Variants in KIAA1328 observed in about 807,000 individuals in gnomAD.
The protein encoded by KIAA1328 is protein hinderin.
In KIAA1328, 52 loss-of-function variants were observed where a neutral mutation model predicts 68.1. The observed-to-expected ratio is 0.76, with a 90% confidence interval of 0.61 to 0.96. The LOEUF is 0.96. Ranked by LOEUF, KIAA1328 falls within the 40% of genes least tolerant of loss-of-function variation. KIAA1328 has a pLI of 0.00. For synonymous variants in KIAA1328, 232 were observed against 239.4 expected, an observed-to-expected ratio of 0.97 and a Z score of 0.28; for missense variants, 641 against 677.6, an observed-to-expected ratio of 0.95 and a Z score of 0.60.
intron 7 of KIAA1328, among the ~76,000 whole-genome samples, chr18:37,069,147 A>G (rs985467134): frequency 2.0e-5 from 3 of 152,176 alleles, no homozygotes; most frequent in African/African-American, 7.2e-5. Flanking sequence ...AGATTTTTAA[A>G]TATTAAACCA....
chr18:36,962,931 A>T (rs2051752937), intron 6 of KIAA1328, among the ~76,000 whole-genome samples: 1 of 152,172 alleles, frequency 6.6e-6, no homozygotes, highest in Non-Finnish European at 1.5e-5. Flanking sequence ...GAGCAAACAA[A>T]TTCAAAAGCT....
intron 4 of KIAA1328, among the ~76,000 whole-genome samples, chr18:36,847,838 A>G (rs914002304): frequency 5.9e-5 from 9 of 151,574 alleles, no homozygotes; most frequent in Non-Finnish European, 1.5e-5. Context: ...TTGTTTTTCT[A>G]TGTTAGAAAA....
rs545430652 is a variant in KIAA1328, at chr18:37,079,750, G to T, written c.1232+12205G>T. On this transcript the variant is annotated intron_variant, in intron 7 of 9. Transcript: ENST00000280020. ...TAAAATACAAAAATTAGCCAGGCAT[G>T]GTGGTGGGCGCCTGTAATCCTAGCT... 2.6e-5 allele frequency among the ~76,000 whole-genome samples: 4 copies of T among 152,034 alleles called. No homozygotes were observed. In the East Asian group the frequency reaches 7.8e-4, roughly 30 times the overall value.
chr18:37,084,080 A>G, intron 7 of KIAA1328: 1 of 1,178,510 alleles, frequency 8.5e-7, no homozygotes, highest in Non-Finnish European at 1.1e-6. Flanking sequence ...CATTCAGGTT[A>G]TCAGGCTTCA....
At chr18:36,928,582 T>C (rs1305816571) in intron 5 of KIAA1328, among the ~76,000 whole-genome samples, 1 of 152,204 alleles carries the variant, frequency 6.6e-6, no homozygotes, top group Non-Finnish European at 1.5e-5. Context: ...TACACTTTTG[T>C]TTTAGTACTT....
intron 6 of KIAA1328, among the ~76,000 whole-genome samples, 166 bp downstream of exon 6, chr18:36,959,601 C>T (rs1471417386): frequency 1.3e-5 from 2 of 152,160 alleles, no homozygotes; most frequent in Admixed American, 1.3e-4. Flanking sequence ...TTTCCTTTCT[C>T]CTCCTGTTCC....
intron 6 of KIAA1328, among the ~76,000 whole-genome samples, chr18:37,023,776 C>A (rs1043339917): frequency 6.6e-6 from 1 of 151,264 alleles, no homozygotes; most frequent in Non-Finnish European, 1.5e-5. Flanking sequence ...AGTTGAACAT[C>A]ATCTGTATTT....
At chr18:36,864,594 G>GT (rs80149272) in intron 4 of KIAA1328, among the ~76,000 whole-genome samples, 55,190 of 129,408 alleles carry the variant, frequency 0.43, 12,640 homozygotes, top group East Asian at 0.63. Context: ...GTGGTCAGTA[G>GT]TTTTTTTTTT....
intron 5 of KIAA1328, among the ~76,000 whole-genome samples, chr18:36,898,540 A>T (rs2048935566): frequency 6.6e-6 from 1 of 151,990 alleles, no homozygotes; most frequent in South Asian, 2.1e-4. Flanking sequence ...CTATATCAGG[A>T]TCAATCTTCC....
At chr18:36,835,746 G>A (rs947102695) in intron 3 of KIAA1328, among the ~76,000 whole-genome samples, 9 of 152,212 alleles carry the variant, frequency 5.9e-5, no homozygotes, top group East Asian at 1.9e-4. Flanking sequence ...ATGAACCCTC[G>A]TAAAGATGAG....
At chr18:37,218,860 G>A (rs2060499496) in intron 9 of KIAA1328, among the ~76,000 whole-genome samples, 1 of 152,148 alleles carries the variant, frequency 6.6e-6, no homozygotes, top group Non-Finnish European at 1.5e-5. Flanking sequence ...TCCATTGCTG[G>A]CGAGGAGCTG....
rs2057473802 is a variant in KIAA1328 at position 37,098,181 on chromosome 18, G to T, written c.1232+30636G>T. ...TTCAAAGGGAATGCTTCCAGTTTTT[G>T]CCCATTCAGTATGGTATTGGCTGTG... is the stretch of plus-strand genomic sequence containing the variant. On this transcript the variant is annotated intron_variant, in intron 7 of 9. Coordinates refer to ENST00000280020, the MANE Select transcript of KIAA1328 (RefSeq NM_020776.3). Among the ~76,000 whole-genome samples the T allele has an allele frequency of 2.6e-5, 4 of 152,182 alleles. No homozygotes were observed. The South Asian group carries it at 8.3e-4, about 32-fold the overall frequency.
rs554029989 is a variant in KIAA1328, at chr18:37,080,705, A to G, written c.1232+13160A>G. 4.1e-4 allele frequency among the ~76,000 whole-genome samples: 62 copies of G among 150,532 alleles called. No homozygotes were observed. The South Asian group carries it at 0.012, about 29-fold the overall frequency. ...CAGGAGAATTGCTTGAACCTGGGAG[A>G]CGGAGGTTGCAGTGCAGTGAGCCGA... On this transcript the variant is annotated intron_variant, in intron 7 of 9. Transcript: ENST00000280020.
At chr18:36,944,970 G>A (rs1214441338) in intron 5 of KIAA1328, among the ~76,000 whole-genome samples, 2 of 152,180 alleles carry the variant, frequency 1.3e-5, no homozygotes, top group African/African-American at 4.8e-5. Flanking sequence ...TAATAATGAG[G>A]AAGAGGGAGA....
chr18:36,913,158 A>G (rs72887063), intron 5 of KIAA1328, among the ~76,000 whole-genome samples: 20,674 of 151,922 alleles, frequency 0.14, 1,749 homozygotes, highest in Admixed American at 0.18. Context: ...AATTTTGTTT[A>G]AAATTTTGTC....
At chr18:36,908,264 T>C (rs2151058647) in intron 5 of KIAA1328, among the ~76,000 whole-genome samples, 1 of 152,284 alleles carries the variant, frequency 6.6e-6, no homozygotes, top group South Asian at 2.1e-4. Flanking sequence ...GAGGGAGACA[T>C]TGTTCTTAAG....
At chr18:36,831,889 G>C (rs1023333699) in intron 1 of KIAA1328, among the ~76,000 whole-genome samples, 1 of 151,978 alleles carries the variant, frequency 6.6e-6, no homozygotes, top group African/African-American at 2.4e-5. Context: ...TTAGCCCTCT[G>C]TATCTGCTGA....
chr18:37,072,838 C>T (rs979085678), intron 7 of KIAA1328, among the ~76,000 whole-genome samples: 3 of 152,064 alleles, frequency 2.0e-5, no homozygotes, highest in Non-Finnish European at 4.4e-5. Context: ...TCTCATTGTT[C>T]AACTCCCACT....
intron 7 of KIAA1328, among the ~76,000 whole-genome samples, chr18:37,147,976 T>C (rs1014880094): frequency 6.6e-6 from 1 of 152,034 alleles, no homozygotes; most frequent in African/African-American, 2.4e-5. Flanking sequence ...TTTTTCTTTA[T>C]ATTTTTATTT....
Sources: allele counts gnomAD v4.1 joint callset (sites outside exome capture counted in the v4.1 genomes callset), GRCh38; gene constraint gnomAD v4.1.1; transcripts MANE v1.5; gene names NCBI Gene and HGNC (gene_info 2026-07-23, HGNC 2026-07-21).